The following CLPTM1L variants were observed in gnomAD, a reference collection of about 807,000 sequenced individuals.
CLPTM1L encodes the protein CLPTM1 like.
In CLPTM1L, 38 loss-of-function variants were observed where a neutral mutation model predicts 70.9. The observed-to-expected ratio is 0.54, with a 90% CI of 0.41 to 0.70. The LOEUF is 0.70. Ranked by LOEUF, CLPTM1L falls within the 30% of genes least tolerant of loss-of-function variation. The pLI is 0.00. For synonymous variants in CLPTM1L, 339 were observed against 299.9 expected (o/e 1.13, Z -1.35); for missense variants, 652 against 705.9 (o/e 0.92, Z 0.87).
intron 16 of CLPTM1L, 69 bp downstream of exon 16, chr5:1,320,547 G>GT: frequency 1.2e-6 from 1 of 825,770 alleles, no homozygotes; most frequent in Non-Finnish European, 1.8e-6. Flanking sequence ...GGTGAAAGCC[G>GT]TCATTCCGTT....
At position 1,344,771 on chromosome 5, in the gene CLPTM1L, C is replaced by G. The variant is rs1172627797; in HGVS notation, c.71G>C (p.Cys24Ser). The part of the protein sequence containing the change: ...GVFVVYVVHT[C>S]WVMYGIVYTR... The stretch of plus-strand genomic sequence containing the variant: ...GTAGACGATGCCGTACATGACCCAG[C>G]AGGTGTGCACCACGTAGACCACGAA... The change falls in exon 1 of 17, where the codon TGC becomes TCC. Residue 24 changes from cysteine to serine, a missense_variant. By Grantham distance (112) the Cys-to-Ser change is moderately radical. Transcript: ENST00000320895. 1 of 1,605,914 alleles carries G rather than the reference C, an allele frequency of 6.2e-7. No homozygotes were observed.
intron 9 of CLPTM1L, among the ~76,000 whole-genome samples, chr5:1,329,626 C>A (rs111394792): frequency 1.8e-3 from 165 of 93,696 alleles, no homozygotes; most frequent in African/African-American, 4.7e-3. Context: ...CCTCAGGACT[C>A]TCTGCCTGGT....
chr5:1,326,986 C>T (rs11133729), intron 9 of CLPTM1L, among the ~76,000 whole-genome samples: 486 of 113,900 alleles, frequency 4.3e-3, no homozygotes, highest in Middle Eastern at 0.019. Context: ...GCTCCTCCTC[C>T]ACAGGGACAT....
chr5:1,322,723 G>C, intron 13 of CLPTM1L, 154 bp downstream of exon 13: 1 of 760,208 alleles, frequency 1.3e-6, no homozygotes, highest in Admixed American at 2.0e-5. Flanking sequence ...AGCCTGGGGG[G>C]AGCCCTGGGC....
chr5:1,344,564 T>C (rs1212332507), intron 1 of CLPTM1L, 113 bp from the exon 2 acceptor site: 17 of 1,453,482 alleles, frequency 1.2e-5, no homozygotes, highest in Admixed American at 2.0e-5. Context: ...CCAGGAAAGG[T>C]TCCATCTCGA....
At position 1,333,662 on chromosome 5, in the gene CLPTM1L, G is replaced by GATGAGGATAAGGGGGGA. The variant is rs1561244394; in HGVS notation, c.891+626_891+627insTCCCCCCTTATCCTCAT. 5.9e-4 allele frequency among the ~76,000 whole-genome samples: 57 copies of GATGAGGATAAGGGGGGA among 97,062 alleles called. 5 individuals carry two copies. The highest frequency in any genetic ancestry group is 1.0e-3 in the South Asian group (3 of 2,964). The allele number at this position is 97,062 out of a possible 152,430, so 63.7% of individuals were successfully genotyped here. ...AAGGGGGACTACTGTATACACACCG[G>GATGAGGATAAGGGGGGA]CTGAGGATAAGGGGGGACTACTGTA... On this transcript the variant is annotated intron_variant, in intron 7 of 16. Coordinates refer to ENST00000320895, the MANE Select transcript of CLPTM1L (RefSeq NM_030782.5).
In CLPTM1L at chr5:1,344,921, C is replaced by G; in HGVS notation, c.-80G>C. The G allele has an allele frequency of 1.2e-6, 1 of 819,358 alleles. No homozygotes were observed. Among genetic ancestry groups the G allele is most frequent in the East Asian group, 1.2e-4 (1 of 8,196 alleles). The allele number at this position is 819,358 out of a possible 1,614,324, so 50.8% of individuals were successfully genotyped here. ...CCCGCCCGGCGCCCAGCCCGCCGCTCCGGGCTCCGCCGCTCACTGGAGAGC... is the reference window on the plus strand; with the variant it reads ...CCCGCCCGGCGCCCAGCCCGCCGCTGCGGGCTCCGCCGCTCACTGGAGAGC... On this transcript the variant is annotated 5_prime_UTR_variant, in exon 1 of 17. Transcript: ENST00000320895.
chr5:1,318,552 C>A lies in CLPTM1L; in HGVS notation c.1533-99G>T. The A allele has an allele frequency of 2.1e-6, 2 of 931,168 alleles. No individual in the cohort carries two copies. The highest frequency in any genetic ancestry group is 3.4e-6 in the Non-Finnish European group (2 of 587,982). The allele number at this position is 931,168 out of a possible 1,614,324, so 57.7% of individuals were successfully genotyped here. On this transcript the variant is annotated intron_variant, in intron 16 of 16. Transcript: ENST00000320895. The surrounding 1 kb of genome is among the most constrained non-coding windows in gnomAD (Gnocchi z 8.9). Reference sequence around the variant, plus strand: ...CCTCGATTTATTTTCCAGTGAGCTGCCACAGTGAGCAAATTAACTAAAAAG... The same window carrying A: ...CCTCGATTTATTTTCCAGTGAGCTGACACAGTGAGCAAATTAACTAAAAAG...
chr5:1,337,840 C>A (rs577221103), intron 5 of CLPTM1L, 64 bp downstream of exon 5: 18 of 1,311,884 alleles, frequency 1.4e-5, no homozygotes, highest in Non-Finnish European at 1.9e-5. Flanking sequence ...GCAGGGGCTG[C>A]GGGGCCAGTC....
At chr5:1,331,329 C>T (rs982753902) in intron 8 of CLPTM1L, 1 of 170,676 alleles carries the variant, frequency 5.9e-6, no homozygotes, top group African/African-American at 2.4e-5. Flanking sequence ...CTGCTGGGCA[C>T]AGCACCACGG....
intron 8 of CLPTM1L, 174 bp from the exon 9 acceptor site, chr5:1,330,557 A>G (rs1196001021): frequency 3.4e-6 from 2 of 594,296 alleles, no homozygotes; most frequent in Non-Finnish European, 6.1e-6. Flanking sequence ...TTCAGCAGCT[A>G]GGAAAGTGTT....
intron 9 of CLPTM1L, among the ~76,000 whole-genome samples, chr5:1,328,882 A>G (rs1328570146): frequency 2.7e-5 from 4 of 150,246 alleles, no homozygotes; most frequent in African/African-American, 1.0e-4. Context: ...CTACAGACAC[A>G]TTCCATCCAG....
chr5:1,326,332 C>T (rs543857937), intron 9 of CLPTM1L: 7 of 262,574 alleles, frequency 2.7e-5, no homozygotes, highest in Non-Finnish European at 4.3e-5. Flanking sequence ...GACATTCCAT[C>T]CAGCTCCTCC....
intron 1 of CLPTM1L, 103 bp from the exon 2 acceptor site, chr5:1,344,554 C>A: frequency 6.9e-7 from 1 of 1,458,540 alleles, no homozygotes. Flanking sequence ...CGCTGGGGAA[C>A]CAGGAAAGGT....
intron 3 of CLPTM1L, among the ~76,000 whole-genome samples, 168 bp downstream of exon 3, chr5:1,341,503 G>A (rs139277839): frequency 1.3e-5 from 2 of 152,346 alleles, no homozygotes; most frequent in Non-Finnish European, 2.9e-5. Context: ...TCATGGATAT[G>A]ATTCAGCTGA....
rs550901648 is a variant in CLPTM1L, at chr5:1,330,726, G to A, written c.977-343C>T. 4.6e-5 allele frequency: 12 copies of A among 258,724 alleles called. No individual in the cohort carries two copies. In the South Asian group the frequency reaches 1.0e-3, roughly 22 times the overall value. 16.0% of individuals were successfully genotyped at this position (258,724 alleles called of 1,614,324 possible). ...GTCTTATGCCAGTTCTGTGATAAGT[G>A]CGTGGCTTTTCAAGTCTGGATTTGT... On this transcript the variant is annotated intron_variant, in intron 8 of 16. Coordinates refer to ENST00000320895, the MANE Select transcript of CLPTM1L (RefSeq NM_030782.5).
chr5:1,330,618 G>C, intron 8 of CLPTM1L: 1 of 524,462 alleles, frequency 1.9e-6, no homozygotes. Context: ...CCACAAACAC[G>C]TGTCTGAGCC....
At chr5:1,336,983 G>A (rs1335048339) in intron 5 of CLPTM1L, among the ~76,000 whole-genome samples, 2 of 152,150 alleles carry the variant, frequency 1.3e-5, no homozygotes, top group Non-Finnish European at 2.9e-5. Flanking sequence ...CCCCAGGACT[G>A]TTTCCTCTTC....
rs3817067 is a variant in CLPTM1L at position 1,323,731 on chromosome 5, C to T, written c.1280+56G>A. ...TCGCACCCCGCTCTGGCTCAGTCAT[C>T]CAAATGGCTTTCTCAGGGGAAAGAC... is the stretch of plus-strand genomic sequence containing the variant. On this transcript the variant is annotated intron_variant, in intron 12 of 16. Transcript: ENST00000320895. The T allele has an allele frequency of 1.2e-5, 18 of 1,495,606 alleles. No individual in the cohort carries two copies. In the East Asian group the frequency reaches 3.2e-4, roughly 26 times the overall value. The allele number at this position is 1,495,606 out of a possible 1,614,324, so 92.6% of individuals were successfully genotyped here.
Sources: allele counts gnomAD v4.1 joint callset (sites outside exome capture counted in the v4.1 genomes callset), GRCh38; gene constraint gnomAD v4.1.1; non-coding constraint Gnocchi (gnomAD v3.1); transcripts MANE v1.5; gene names NCBI Gene and HGNC (gene_info 2026-07-23, HGNC 2026-07-21).